Variants in RIMS2 observed in about 807,000 individuals in gnomAD.
The protein encoded by RIMS2 is regulating synaptic membrane exocytosis 2.
RIMS2 carries 59 observed loss-of-function variants against 174.4 expected under a neutral mutation model. The observed-to-expected ratio is 0.34, with a 90% confidence interval of 0.27 to 0.42. The LOEUF is 0.42. RIMS2 is among the 10% of genes least tolerant of loss of function. The pLI is 1.00. For synonymous variants in RIMS2, 606 were observed against 572.5 expected (o/e 1.06, Z -0.84); for missense variants, 1,620 against 1,666.3 (o/e 0.97, Z 0.48).
chr8:103,531,932 ATAAT>A lies in RIMS2; in HGVS notation c.176+30873_176+30876del, dbSNP rs1407201337. On this transcript the variant is annotated intron_variant, in intron 1 of 23. Transcript: ENST00000504942. ...CTGAGGCTACATAATGACAAGAAAA[ATAAT>A]TAGTTAGAAATGACACTATGCAATA... Among the ~76,000 whole-genome samples, 38 of 152,298 alleles carry A rather than the reference ATAAT, an allele frequency of 2.5e-4. 2 individuals are homozygous for A. The highest frequency in any genetic ancestry group is 2.3e-3 in the Admixed American group (35 of 15,304).
intron 3 of RIMS2, among the ~76,000 whole-genome samples, chr8:103,876,867 TATATATATATATA>T (rs1565060675): frequency 0.039 from 1,100 of 28,476 alleles, 42 homozygotes; most frequent in African/African-American, 0.089. Flanking sequence ...CACTATTTTA[TATATATATATATA>T]TATATATATA....
chr8:103,673,350 A>G (rs914652043), intron 1 of RIMS2, among the ~76,000 whole-genome samples: 11 of 152,048 alleles, frequency 7.2e-5, no homozygotes, highest in African/African-American at 2.4e-4. Context: ...CCAACCCCAC[A>G]TTTCTCCTCT....
chr8:103,839,532 A>G (rs1178837362), intron 3 of RIMS2, among the ~76,000 whole-genome samples: 1 of 152,102 alleles, frequency 6.6e-6, no homozygotes, highest in African/African-American at 2.4e-5. Flanking sequence ...TGAGGCCTCA[A>G]CTGAATGCCC....
intron 4 of RIMS2, among the ~76,000 whole-genome samples, chr8:103,903,528 C>T (rs929031035): frequency 6.6e-6 from 1 of 152,018 alleles, no homozygotes; most frequent in African/African-American, 2.4e-5. Flanking sequence ...GTGTATAGAA[C>T]ACACATACAC....
At chr8:103,764,463 G>A (rs1157557131) in intron 2 of RIMS2, among the ~76,000 whole-genome samples, 1 of 152,130 alleles carries the variant, frequency 6.6e-6, no homozygotes, top group African/African-American at 2.4e-5. Flanking sequence ...AAAGAGATCT[G>A]TAGTACCTGC....
intron 16 of RIMS2, among the ~76,000 whole-genome samples, chr8:103,987,293 G>A (rs112919495): frequency 6.6e-6 from 1 of 151,958 alleles, no homozygotes; most frequent in African/African-American, 2.4e-5. Flanking sequence ...GCCCATTTTA[G>A]TTACAAACGT....
intron 17 of RIMS2, among the ~76,000 whole-genome samples, chr8:103,993,844 T>C (rs548099775): frequency 6.6e-6 from 1 of 152,026 alleles, no homozygotes; most frequent in Middle Eastern, 3.4e-3. Context: ...CTAGGCCATA[T>C]AGTGAGACCC....
At chr8:104,005,934 T>C (rs1396809231) in intron 17 of RIMS2, among the ~76,000 whole-genome samples, 1 of 151,962 alleles carries the variant, frequency 6.6e-6, no homozygotes, top group Non-Finnish European at 1.5e-5. Flanking sequence ...TGTTCTATGT[T>C]CTACGTAGAC....
In RIMS2 at chr8:104,174,836, T is replaced by G. The variant is rs1586582494; in HGVS notation, c.3335-70080T>G. ...TTCTCTTTGAATAGGGCTCCCTTCC[T>G]TTCAATACCTGATCCCTATTAAAGT... is the stretch of plus-strand genomic sequence containing the variant. On this transcript the variant is annotated intron_variant, in intron 19 of 23. Coordinates refer to ENST00000504942, the Ensembl canonical transcript of RIMS2. Among the ~76,000 whole-genome samples, 3 of 152,320 alleles carry G rather than the reference T, an allele frequency of 2.0e-5. No individual in the cohort carries two copies. The South Asian group carries it at 6.2e-4, about 32-fold the overall frequency.
chr8:103,668,699 G>A (rs1333542978), intron 1 of RIMS2, among the ~76,000 whole-genome samples: 1 of 127,998 alleles, frequency 7.8e-6, no homozygotes, highest in East Asian at 2.0e-4. Flanking sequence ...TATTTATTTA[G>A]AGATGGAGTC....
At chr8:103,928,183 TGAC>T (rs1241544789) in intron 11 of RIMS2, among the ~76,000 whole-genome samples, 1 of 151,588 alleles carries the variant, frequency 6.6e-6, no homozygotes, top group Non-Finnish European at 1.5e-5. Context: ...TACATATATA[TGAC>T]ATTTACAGAA....
At chr8:103,647,500 A>G (rs957438350) in intron 1 of RIMS2, among the ~76,000 whole-genome samples, 1 of 152,112 alleles carries the variant, frequency 6.6e-6, no homozygotes, top group African/African-American at 2.4e-5. Context: ...GTAGAATGGT[A>G]CCAGCTTTTA....
chr8:103,851,185 A>G (rs1247475953), intron 3 of RIMS2, among the ~76,000 whole-genome samples: 1 of 152,120 alleles, frequency 6.6e-6, no homozygotes, highest in East Asian at 1.9e-4. Flanking sequence ...TGAAGTGACC[A>G]GCAATAATCA....
chr8:103,910,962 CA>C (rs770516246), intron 5 of RIMS2, among the ~76,000 whole-genome samples: 12 of 152,148 alleles, frequency 7.9e-5, no homozygotes, highest in Non-Finnish European at 2.9e-5. Context: ...GGTCTGTTTG[CA>C]CAGAAAAAGT....
At chr8:103,961,529 CT>C (rs1321411476) in intron 15 of RIMS2, among the ~76,000 whole-genome samples, 1 of 152,018 alleles carries the variant, frequency 6.6e-6, no homozygotes, top group African/African-American at 2.4e-5. Context: ...GTTTTTGAAA[CT>C]TTAAAATTGT....
intron 2 of RIMS2, among the ~76,000 whole-genome samples, chr8:103,729,243 G>T (rs1470680149): frequency 6.6e-6 from 1 of 152,000 alleles, no homozygotes; most frequent in Non-Finnish European, 1.5e-5. Context: ...TTATGGCTTT[G>T]ATCTCATTAC....
chr8:103,672,478 C>T (rs2096756661), intron 1 of RIMS2, among the ~76,000 whole-genome samples: 1 of 151,634 alleles, frequency 6.6e-6, no homozygotes, highest in African/African-American at 2.4e-5. Flanking sequence ...TAGGGAGGCC[C>T]CAGGAAGCTT....
At chr8:103,904,842 G>T (rs2074023573) in intron 4 of RIMS2, among the ~76,000 whole-genome samples, 1 of 151,574 alleles carries the variant, frequency 6.6e-6, no homozygotes, top group Admixed American at 6.6e-5. Flanking sequence ...CAGGTTATTT[G>T]AACTTTTTTT....
rs536486836 is a variant in RIMS2, at chr8:104,099,037, C to A, written c.3334+84422C>A. Among the ~76,000 whole-genome samples the A allele has an allele frequency of 2.6e-5, 4 of 152,284 alleles. No homozygotes were observed. In the South Asian group the frequency reaches 8.3e-4, roughly 32 times the overall value. ...AATGGATTTTTCAATGATTCACGCACCTTTCCATAGCTTAGATGATAGTAT... is the reference window on the plus strand; with the variant it reads ...AATGGATTTTTCAATGATTCACGCAACTTTCCATAGCTTAGATGATAGTAT... On this transcript the variant is annotated intron_variant, in intron 19 of 23. Coordinates refer to ENST00000504942, the Ensembl canonical transcript of RIMS2.
Sources: allele counts gnomAD v4.1 joint callset (sites outside exome capture counted in the v4.1 genomes callset), GRCh38; gene constraint gnomAD v4.1.1; transcripts MANE v1.5; gene names NCBI Gene and HGNC (gene_info 2026-07-23, HGNC 2026-07-21).